Variants in RPS6KA5 observed in about 807,000 individuals in gnomAD.
The protein encoded by RPS6KA5 is ribosomal protein S6 kinase alpha-5.
A neutral mutation model predicts 85.5 loss-of-function variants in RPS6KA5; 27 were observed. That is an observed-to-expected ratio of 0.32 (90% CI 0.23 to 0.44). RPS6KA5 has a LOEUF of 0.44. RPS6KA5 is among the 20% of genes least tolerant of loss of function. The pLI is 1.00. For missense variants in RPS6KA5, 811 were observed against 980.9 expected, an observed-to-expected ratio of 0.83 and a Z score of 2.31; for synonymous variants, 334 against 348.2, an observed-to-expected ratio of 0.96 and a Z score of 0.46.
rs1373451698 is a variant in RPS6KA5 at position 90,872,185 on chromosome 14, A to G, written c.2298T>C (p.Ser766=). Residue 766 remains serine, a synonymous_variant, in exon 17 of 17, where the codon TCT becomes TCC. Coordinates refer to ENST00000614987, the MANE Select transcript of RPS6KA5 (RefSeq NM_004755.4). ...RSSSSESSHS[S]SSHSHGKTTP... ...TAGTTTTACCGTGAGAATGAGAGGA[A>G]GAAGAATGGGAACTCTCACTGGAAC... is the stretch of plus-strand genomic sequence containing the variant. The G allele has an allele frequency of 1.2e-6, 2 of 1,613,756 alleles. No homozygotes were observed. The highest frequency in any genetic ancestry group is 1.7e-6 in the Non-Finnish European group (2 of 1,179,988).
chr14:90,952,352 A>G (rs1448090180), intron 3 of RPS6KA5, among the ~76,000 whole-genome samples: 4 of 152,266 alleles, frequency 2.6e-5, no homozygotes, highest in South Asian at 2.1e-4. Context: ...GAATCTGGAT[A>G]TCGGTAACTT....
intron 7 of RPS6KA5, 27 bp downstream of exon 7, chr14:90,920,179 C>G (rs777406691): frequency 1.5e-6 from 2 of 1,313,316 alleles, no homozygotes; most frequent in African/African-American, 2.9e-5. Context: ...GAAAACAATG[C>G]ATTTATTTTA....
chr14:91,045,706 C>G (rs1871414049), intron 1 of RPS6KA5, among the ~76,000 whole-genome samples: 1 of 152,102 alleles, frequency 6.6e-6, no homozygotes, highest in Admixed American at 6.6e-5. Context: ...ATCTCTATAC[C>G]CACTCTCCTC....
chr14:91,026,301 G>A, intron 1 of RPS6KA5, among the ~76,000 whole-genome samples: 1 of 152,072 alleles, frequency 6.6e-6, no homozygotes, highest in African/African-American at 2.4e-5. Flanking sequence ...CATGATCACG[G>A]CTCACTGCAG....
chr14:90,947,898 T>C (rs1595299491), intron 3 of RPS6KA5, among the ~76,000 whole-genome samples: 1 of 152,166 alleles, frequency 6.6e-6, no homozygotes, highest in Non-Finnish European at 1.5e-5. Flanking sequence ...TACCAAAACA[T>C]CAGCCACTGC....
At chr14:90,894,701 A>G in intron 12 of RPS6KA5, 118 bp from the exon 13 acceptor site, 1 of 1,126,974 alleles carries the variant, frequency 8.9e-7, no homozygotes, top group South Asian at 1.8e-5. Context: ...TGTTAAAATA[A>G]TCAATGGCAA....
intron 5 of RPS6KA5, 117 bp from the exon 6 acceptor site, chr14:90,923,313 ATCTACTTGACAG>A: frequency 3.9e-6 from 3 of 767,842 alleles, no homozygotes; most frequent in Non-Finnish European, 6.6e-6. Context: ...TAGTGGTAGA[ATCTACTTGACAG>A]ACCCACTCTT....
At chr14:90,959,036 G>A (rs1160433215) in intron 3 of RPS6KA5, among the ~76,000 whole-genome samples, 1 of 152,000 alleles carries the variant, frequency 6.6e-6, no homozygotes, top group Admixed American at 6.6e-5. Context: ...CAAAGATCCT[G>A]AGGCAGTGCA....
rs568256910 is a variant in RPS6KA5 at position 90,970,947 on chromosome 14, T to A, written c.394+7359A>T. On this transcript the variant is annotated intron_variant, in intron 3 of 16. Transcript: ENST00000614987. ...ACCAGAAATGTGACTTAACAATAGA[T>A]AACTTTAAAGCAGGGGTCAACAAAT... is the stretch of plus-strand genomic sequence containing the variant. Among the ~76,000 whole-genome samples, 7 of 150,800 alleles carry A rather than the reference T, an allele frequency of 4.6e-5. No individual in the cohort carries two copies. The South Asian group carries it at 8.4e-4, about 18-fold the overall frequency.
At chr14:90,919,954 T>TG (rs2036317047) in intron 7 of RPS6KA5, among the ~76,000 whole-genome samples, 1 of 152,186 alleles carries the variant, frequency 6.6e-6, no homozygotes, top group African/African-American at 2.4e-5. Context: ...CTAAGTGCTC[T>TG]GGGGCACACC....
chr14:90,977,953 G>A (rs1245354229), intron 3 of RPS6KA5, among the ~76,000 whole-genome samples: 1 of 152,154 alleles, frequency 6.6e-6, no homozygotes, highest in Non-Finnish European at 1.5e-5. Context: ...TACTCAGGAG[G>A]CTGATGAAGG....
chr14:90,969,255 C>T (rs977581729), intron 3 of RPS6KA5, among the ~76,000 whole-genome samples: 10 of 152,138 alleles, frequency 6.6e-5, no homozygotes, highest in African/African-American at 1.4e-4. Context: ...ATGGAATTAA[C>T]GTTAGGGTAA....
intron 2 of RPS6KA5, among the ~76,000 whole-genome samples, chr14:90,997,909 A>G (rs981764573): frequency 6.9e-6 from 1 of 145,102 alleles, no homozygotes; most frequent in African/African-American, 2.5e-5. Context: ...GCTACTCCGG[A>G]GGCTGAGGCA....
At chr14:90,930,493 G>C (rs1383618586) in intron 5 of RPS6KA5, among the ~76,000 whole-genome samples, 1 of 152,104 alleles carries the variant, frequency 6.6e-6, no homozygotes, top group African/African-American at 2.4e-5. Flanking sequence ...CGATTTCTTA[G>C]ATATGACACC....
intron 15 of RPS6KA5, 29 bp from the exon 16 acceptor site, chr14:90,873,824 AT>A: frequency 6.3e-7 from 1 of 1,590,120 alleles, no homozygotes; most frequent in African/African-American, 1.3e-5. Flanking sequence ...TTATTTTATG[AT>A]TTGTCATTTT....
chr14:90,902,388 G>A (rs1043958381), intron 9 of RPS6KA5, among the ~76,000 whole-genome samples: 1 of 151,994 alleles, frequency 6.6e-6, no homozygotes, highest in African/African-American at 2.4e-5. Context: ...CAGAGGCTAA[G>A]GTGAGAGGAT....
At chr14:91,056,320 T>C (rs1042924060) in intron 1 of RPS6KA5, among the ~76,000 whole-genome samples, 2 of 152,240 alleles carry the variant, frequency 1.3e-5, no homozygotes, top group African/African-American at 4.8e-5. Context: ...TACAAAAACA[T>C]GATCCCATCC....
chr14:91,012,135 AG>A (rs1285662104), intron 1 of RPS6KA5, among the ~76,000 whole-genome samples: 1 of 152,184 alleles, frequency 6.6e-6, no homozygotes, highest in African/African-American at 2.4e-5. Context: ...AACAAAAAAG[AG>A]GGAAACAAAG....
chr14:90,893,442 T>C (rs1226733577), intron 13 of RPS6KA5, among the ~76,000 whole-genome samples: 3 of 152,212 alleles, frequency 2.0e-5, no homozygotes, highest in African/African-American at 7.2e-5. Flanking sequence ...AGAATTTCAT[T>C]TTAAAAATTT....
Sources: allele counts gnomAD v4.1 joint callset (sites outside exome capture counted in the v4.1 genomes callset), GRCh38; gene constraint gnomAD v4.1.1; transcripts MANE v1.5; gene names NCBI Gene and HGNC (gene_info 2026-07-23, HGNC 2026-07-21).